The following LAMA2 variants were observed in gnomAD, a reference collection of about 807,000 sequenced individuals.
LAMA2 encodes laminin subunit alpha-2.
LAMA2 carries 269 observed loss-of-function variants against 364.8 expected under a neutral mutation model. The observed-to-expected ratio is 0.74, with a 90% CI of 0.67 to 0.82. The LOEUF is 0.82. Ranked by LOEUF, LAMA2 falls within the 40% of genes least tolerant of loss-of-function variation. The pLI is 0.00. For missense variants in LAMA2, 3,807 were observed against 3,873.2 expected (o/e 0.98, Z 0.45); for synonymous variants, 1,379 against 1,370.6 (o/e 1.01, Z -0.14).
chr6:129,470,286 T>C (rs980438054), intron 51 of LAMA2, among the ~76,000 whole-genome samples: 6 of 151,936 alleles, frequency 3.9e-5, no homozygotes, highest in Admixed American at 3.3e-4. Flanking sequence ...AGTTAGATGA[T>C]AATTATTTTG....
At chr6:129,316,799 T>C (rs935664384) in intron 27 of LAMA2, among the ~76,000 whole-genome samples, 9 of 152,340 alleles carry the variant, frequency 5.9e-5, no homozygotes, top group East Asian at 3.9e-4. Flanking sequence ...GTCTGACACT[T>C]AGGACCACAC....
intron 1 of LAMA2, among the ~76,000 whole-genome samples, chr6:129,046,778 A>G (rs1465650812): frequency 6.6e-6 from 1 of 152,214 alleles, no homozygotes; most frequent in Non-Finnish European, 1.5e-5. Flanking sequence ...CAGAGAGACC[A>G]TACTTATATG....
intron 1 of LAMA2, among the ~76,000 whole-genome samples, chr6:128,953,095 C>G (rs1201319068): frequency 2.0e-5 from 3 of 152,122 alleles, no homozygotes; most frequent in Non-Finnish European, 4.4e-5. Context: ...TGGGCCCAAC[C>G]ATGTAGGAAC....
intron 40 of LAMA2, among the ~76,000 whole-genome samples, chr6:129,404,246 A>G (rs1309521591): frequency 6.6e-6 from 1 of 151,926 alleles, no homozygotes; most frequent in Non-Finnish European, 1.5e-5. Flanking sequence ...AACACTCTGG[A>G]TAGGGAATTT....
chr6:129,188,805 A>T (rs192731887), intron 10 of LAMA2, among the ~76,000 whole-genome samples: 1 of 152,102 alleles, frequency 6.6e-6, no homozygotes, highest in East Asian at 1.9e-4. Flanking sequence ...CTTGGATATA[A>T]GGAGGACTGC....
At chr6:128,993,437 G>A (rs1783730010) in intron 1 of LAMA2, among the ~76,000 whole-genome samples, 1 of 152,102 alleles carries the variant, frequency 6.6e-6, no homozygotes, top group South Asian at 2.1e-4. Flanking sequence ...TTAGATTTTA[G>A]ACATATTATA....
chr6:129,473,037 A>T (rs1783889520), intron 51 of LAMA2, among the ~76,000 whole-genome samples, 177 bp from the exon 52 acceptor site: 1 of 151,938 alleles, frequency 6.6e-6, no homozygotes, highest in Admixed American at 6.6e-5. Context: ...ATAGTTTAAT[A>T]ATGTATTTTA....
chr6:128,969,381 T>C lies in LAMA2; in HGVS notation c.113-80537T>C, dbSNP rs145289275. ...GAATAGATTTTAGCTGTTAATATTA[T>C]ATTACAACTTCCTACATAGTTGTAA... On this transcript the variant is annotated intron_variant, in intron 1 of 64. Coordinates refer to ENST00000421865, the MANE Select transcript of LAMA2 (RefSeq NM_000426.4). Among the ~76,000 whole-genome samples the C allele has an allele frequency of 3.6e-3, 555 of 152,326 alleles. 3 individuals are homozygous for C. Among genetic ancestry groups the C allele is most frequent in the African/African-American group, 0.012 (518 of 41,564 alleles).
At chr6:129,398,924 G>A (rs1342202697) in intron 37 of LAMA2, among the ~76,000 whole-genome samples, 1 of 152,184 alleles carries the variant, frequency 6.6e-6, no homozygotes, top group Admixed American at 6.5e-5. Context: ...CGACCATAAA[G>A]TCTGGATGCA....
rs148286394 is a variant in LAMA2, at chr6:129,242,410, A to G, written c.1783-7702A>G. 2.9e-3 allele frequency among the ~76,000 whole-genome samples: 448 copies of G among 152,216 alleles called. 5 individuals carry two copies. The highest frequency in any genetic ancestry group is 0.01 in the African/African-American group (434 of 41,560). On this transcript the variant is annotated intron_variant, in intron 12 of 64. Transcript: ENST00000421865. ...GACAATAGCAAGCCTGTTTCTCTTT[A>G]GCTTAAAGGAACTTGGATTAAAATT...
At chr6:129,096,485 G>A (rs769954741) in intron 3 of LAMA2, among the ~76,000 whole-genome samples, 1 of 152,072 alleles carries the variant, frequency 6.6e-6, no homozygotes, top group Non-Finnish European at 1.5e-5. Flanking sequence ...GCAGTTACAG[G>A]CACATACATA....
chr6:129,199,592 TACAG>T (rs1397270646), intron 12 of LAMA2, among the ~76,000 whole-genome samples: 4 of 152,096 alleles, frequency 2.6e-5, no homozygotes, highest in Admixed American at 6.5e-5. Flanking sequence ...CAAGAGAATC[TACAG>T]ACAAATTCTT....
At chr6:129,317,189 A>T (rs1039556319) in intron 27 of LAMA2, among the ~76,000 whole-genome samples, 4 of 152,214 alleles carry the variant, frequency 2.6e-5, no homozygotes, top group Non-Finnish European at 4.4e-5. Flanking sequence ...GTTTCATACC[A>T]TGGAGGCAGA....
intron 3 of LAMA2, among the ~76,000 whole-genome samples, chr6:129,075,685 C>T (rs1014992998): frequency 2.0e-5 from 3 of 152,052 alleles, no homozygotes; most frequent in African/African-American, 7.3e-5. Flanking sequence ...ATGTTGACTC[C>T]TAGGAGTTTG....
intron 1 of LAMA2, among the ~76,000 whole-genome samples, chr6:128,933,651 A>C (rs1380059627): frequency 6.6e-6 from 1 of 152,002 alleles, no homozygotes; most frequent in Non-Finnish European, 1.5e-5. Flanking sequence ...TGTGGTTTTG[A>C]TTTGTATTTC....
At chr6:129,212,260 T>A (rs960363671) in intron 12 of LAMA2, among the ~76,000 whole-genome samples, 1 of 152,150 alleles carries the variant, frequency 6.6e-6, no homozygotes. Flanking sequence ...GGAAGTTAGA[T>A]GTTTTGGATA....
At chr6:128,909,249 CATT>C in intron 1 of LAMA2, among the ~76,000 whole-genome samples, 1 of 152,052 alleles carries the variant, frequency 6.6e-6, no homozygotes, top group Non-Finnish European at 1.5e-5. Flanking sequence ...TAAAGTCTCC[CATT>C]ATTAATGTGT....
At chr6:129,367,328 C>T (rs564486747) in intron 33 of LAMA2, among the ~76,000 whole-genome samples, 2 of 152,318 alleles carry the variant, frequency 1.3e-5, no homozygotes, top group South Asian at 2.1e-4. Context: ...GATTTCATGA[C>T]TCTTTTAATA....
intron 36 of LAMA2, 53 bp downstream of exon 36, chr6:129,391,706 AT>A: frequency 6.6e-7 from 1 of 1,523,642 alleles, no homozygotes. Context: ...TTTCCAGATA[AT>A]TTACAGTTTT....
Sources: allele counts gnomAD v4.1 joint callset (sites outside exome capture counted in the v4.1 genomes callset), GRCh38; gene constraint gnomAD v4.1.1; transcripts MANE v1.5; gene names NCBI Gene and HGNC (gene_info 2026-07-23, HGNC 2026-07-21).